BRAF: variants seen among roughly 807,000 people sequenced by gnomAD.
BRAF encodes the protein B-Raf proto-oncogene, serine/threonine kinase, also known as serine/threonine-protein kinase B-raf.
In BRAF, 16 loss-of-function variants were observed where a neutral mutation model predicts 104.6. That is an observed-to-expected ratio of 0.15 (90% CI 0.10 to 0.23). The LOEUF (loss-of-function observed/expected upper bound fraction) is 0.23, where lower values mean the gene tolerates loss of function less well. BRAF is among the 10% of genes least tolerant of loss of function. BRAF has a pLI of 1.00. For missense variants in BRAF, 541 were observed against 937.3 expected, an observed-to-expected ratio of 0.58 and a Z score of 5.52; for synonymous variants, 310 against 341.6, an observed-to-expected ratio of 0.91 and a Z score of 1.02.
At chr7:140,903,766 T>C (rs548739552) in intron 1 of BRAF, among the ~76,000 whole-genome samples, 1 of 152,308 alleles carries the variant, frequency 6.6e-6, no homozygotes, top group Admixed American at 6.5e-5. Context: ...ACTGGCAACA[T>C]TAACAGGAGT....
At chr7:140,923,274 C>T (rs745755002) in intron 1 of BRAF, among the ~76,000 whole-genome samples, 4 of 151,982 alleles carry the variant, frequency 2.6e-5, no homozygotes, top group Non-Finnish European at 5.9e-5. Context: ...AAGAGAACTT[C>T]GAGCAAAGTC....
intron 4 of BRAF, 103 bp from the exon 5 acceptor site, chr7:140,808,165 G>GT: frequency 1.1e-6 from 1 of 872,722 alleles, no homozygotes; most frequent in Non-Finnish European, 1.9e-6. Context: ...GCTAGTAACA[G>GT]TGAGGGAGGT....
At chr7:140,856,519 C>G (rs1173263721) in intron 1 of BRAF, among the ~76,000 whole-genome samples, 1 of 152,078 alleles carries the variant, frequency 6.6e-6, no homozygotes, top group African/African-American at 2.4e-5. Context: ...AAAGACAACA[C>G]ATATAAAGAA....
chr7:140,907,436 T>C (rs1201042894), intron 1 of BRAF, among the ~76,000 whole-genome samples: 1 of 152,100 alleles, frequency 6.6e-6, no homozygotes, highest in Non-Finnish European at 1.5e-5. Flanking sequence ...TAATTTTTTG[T>C]ACTTTTAGTA....
At chr7:140,841,136 G>A (rs940347538) in intron 2 of BRAF, among the ~76,000 whole-genome samples, 1 of 152,024 alleles carries the variant, frequency 6.6e-6, no homozygotes, top group African/African-American at 2.4e-5. Flanking sequence ...ATGAAAAGAT[G>A]TTCTATATTA....
intron 1 of BRAF, among the ~76,000 whole-genome samples, chr7:140,865,449 AG>A (rs1379538436): frequency 6.6e-6 from 1 of 152,174 alleles, no homozygotes; most frequent in Admixed American, 6.6e-5. Context: ...TGCCCTGTTG[AG>A]GGTTTTGGTA....
intron 14 of BRAF, among the ~76,000 whole-genome samples, chr7:140,772,508 C>T (rs774721169): frequency 2.0e-5 from 3 of 151,888 alleles, no homozygotes; most frequent in Non-Finnish European, 4.4e-5. Context: ...CTTGTAGTCC[C>T]AGCTACTAGG....
intron 10 of BRAF, among the ~76,000 whole-genome samples, chr7:140,784,273 C>T (rs2129027803): frequency 1.3e-5 from 2 of 152,252 alleles, no homozygotes; most frequent in Middle Eastern, 3.4e-3. Context: ...TATTATATCA[C>T]CATGTAGAAT....
intron 3 of BRAF, among the ~76,000 whole-genome samples, chr7:140,811,741 T>C (rs1274624294): frequency 6.6e-6 from 1 of 152,198 alleles, no homozygotes; most frequent in African/African-American, 2.4e-5. Context: ...TCTCAACCTG[T>C]TGTAATGGAA....
rs797003366 is a variant in BRAF at position 140,870,416 on chromosome 7, CTT to C, written c.139-20206_139-20205del. Among the ~76,000 whole-genome samples the C allele has an allele frequency of 3.9e-5, 6 of 152,018 alleles. No individual in the cohort carries two copies. In the South Asian group the frequency reaches 1.2e-3, roughly 31 times the overall value. On this transcript the variant is annotated intron_variant, in intron 1 of 19. Coordinates refer to ENST00000644969, the MANE Select transcript of BRAF (RefSeq NM_001374258.1). ...AACATTTCAAAATTATATGCTAAAA[CTT>C]TAAAGGAAAAACGCCAATTCCATAC...
chr7:140,787,471 G>T (rs1801507599), intron 9 of BRAF, 77 bp downstream of exon 9: 5 of 1,431,230 alleles, frequency 3.5e-6, no homozygotes, highest in Non-Finnish European at 3.9e-6. Flanking sequence ...CTTGAAAGAG[G>T]CAAGTATAAA....
At chr7:140,873,267 T>C (rs1205999388) in intron 1 of BRAF, among the ~76,000 whole-genome samples, 1 of 149,624 alleles carries the variant, frequency 6.7e-6, no homozygotes, top group Admixed American at 6.8e-5. Flanking sequence ...GCCTCCCAGA[T>C]TCAAGCGATT....
chr7:140,773,026 T>C (rs1188446424), intron 14 of BRAF, among the ~76,000 whole-genome samples: 3 of 152,206 alleles, frequency 2.0e-5, no homozygotes, highest in Non-Finnish European at 4.4e-5. Context: ...ACATGAATGT[T>C]CCTTAGAAAA....
At chr7:140,813,838 A>C (rs573177515) in intron 3 of BRAF, among the ~76,000 whole-genome samples, 2 of 152,260 alleles carry the variant, frequency 1.3e-5, no homozygotes, top group African/African-American at 4.8e-5. Flanking sequence ...AAAAACCATG[A>C]AAATCCATAC....
At chr7:140,774,512 C>T (rs544616156) in intron 14 of BRAF, among the ~76,000 whole-genome samples, 2 of 152,256 alleles carry the variant, frequency 1.3e-5, no homozygotes, top group South Asian at 4.1e-4. Flanking sequence ...AGGCATGAGC[C>T]ACTACACCCA....
At position 140,794,345 on chromosome 7, in the gene BRAF, T is replaced by C. The variant is rs1802300066; in HGVS notation, c.1103A>G (p.Asn368Ser). The change falls in exon 8 of 20, where the codon AAT (asparagine) becomes AGT (serine). Residue 368 changes from asparagine (N) to serine (S), a missense_variant. This residue lies in a region of BRAF where 2 missense variants were observed against 19.3 expected (regional missense o/e 0.10). Transcript: ENST00000644969. ...AGGTTCTATTGTGTTTATATGCACATTGGGAGCTGATGAGGATCGGTCTCG... is the reference window on the plus strand; with the variant it reads ...AGGTTCTATTGTGTTTATATGCACACTGGGAGCTGATGAGGATCGGTCTCG... Reference protein sequence around the residue: ...GQRDRSSSAPNVHINTIEPVN... With the variant: ...GQRDRSSSAPSVHINTIEPVN... 1.2e-6 allele frequency: 2 copies of C among 1,614,124 alleles called. No homozygotes were observed. The highest frequency in any genetic ancestry group is 1.1e-5 in the South Asian group (1 of 91,088).
intron 17 of BRAF, among the ~76,000 whole-genome samples, chr7:140,748,737 C>G (rs1229550434): frequency 1.3e-5 from 2 of 151,964 alleles, no homozygotes; most frequent in Non-Finnish European, 2.9e-5. Flanking sequence ...TATGTTAGTA[C>G]CTTTTGGAAG....
At chr7:140,808,335 G>C (rs1242252602) in intron 4 of BRAF, 1 of 413,688 alleles carries the variant, frequency 2.4e-6, no homozygotes, top group Admixed American at 2.8e-5. Context: ...GCAGAAAATG[G>C]ATTGTTCCTG....
intron 14 of BRAF, among the ~76,000 whole-genome samples, chr7:140,771,781 A>G (rs1281272353): frequency 6.6e-6 from 1 of 152,184 alleles, no homozygotes; most frequent in Non-Finnish European, 1.5e-5. Flanking sequence ...GTCAGGGAAG[A>G]GGATATAGAC....
Sources: gnomAD v4.1 joint callset for allele counts (sites outside exome capture counted in the v4.1 genomes callset) on GRCh38, gnomAD v4.1.1 for gene constraint, gnomAD v4.1.1 regional missense constraint, MANE v1.5 for transcripts, NCBI Gene and HGNC (gene_info 2026-07-23, HGNC 2026-07-21) for gene names.